The following ROS1 variants were observed in gnomAD, a reference collection of about 807,000 sequenced individuals.
The protein encoded by ROS1 is proto-oncogene tyrosine-protein kinase ROS.
ROS1 carries 263 observed loss-of-function variants against 273.5 expected under a neutral mutation model. That is an observed-to-expected ratio of 0.96 (90% CI 0.87 to 1.06). The LOEUF (loss-of-function observed/expected upper bound fraction) is 1.06, where lower values mean the gene tolerates loss of function less well. Ranked by LOEUF, ROS1 falls within the 50% of genes least tolerant of loss-of-function variation. The probability of loss-of-function intolerance (pLI) is 0.00; values close to 1 mark genes in which losing one functional copy is unlikely to be tolerated. For synonymous variants in ROS1, 1,008 were observed against 954.1 expected (o/e 1.06, Z -1.04); for missense variants, 2,833 against 2,751.1 (o/e 1.03, Z -0.67).
At chr6:117,388,697 T>C (rs150933761) in intron 13 of ROS1, among the ~76,000 whole-genome samples, 166 of 152,356 alleles carry the variant, frequency 1.1e-3, no homozygotes, top group African/African-American at 3.8e-3. Context: ...AAATATTTAC[T>C]ATCTGGTCTT....
At chr6:117,294,744 T>C (rs918130090) in intron 43 of ROS1, among the ~76,000 whole-genome samples, 3 of 152,042 alleles carry the variant, frequency 2.0e-5, no homozygotes, top group African/African-American at 7.2e-5. Flanking sequence ...CCTAGGAATA[T>C]ATTAACCAAG....
At chr6:117,355,748 T>A (rs867685579) in intron 26 of ROS1, among the ~76,000 whole-genome samples, 4 of 152,022 alleles carry the variant, frequency 2.6e-5, no homozygotes, top group Non-Finnish European at 5.9e-5. Flanking sequence ...GTAGCTGGGA[T>A]TACAGGCATG....
intron 24 of ROS1, 93 bp from the exon 25 acceptor site, chr6:117,358,102 C>A: frequency 1.3e-6 from 1 of 785,348 alleles, no homozygotes; most frequent in Non-Finnish European, 2.1e-6. Context: ...TTGTTTACTG[C>A]ACTTCTCATT....
intron 37 of ROS1, 58 bp downstream of exon 37, chr6:117,319,810 G>A (rs1776160778): frequency 2.1e-6 from 3 of 1,461,412 alleles, no homozygotes; most frequent in Non-Finnish European, 2.8e-6. Context: ...TTATATCCAG[G>A]TCAATCTTTG....
intron 1 of ROS1, among the ~76,000 whole-genome samples, chr6:117,420,575 T>C (rs9489159): frequency 0.093 from 13,849 of 149,302 alleles, 781 homozygotes; most frequent in Non-Finnish European, 0.12. Context: ...AAACTTAAAG[T>C]ATAATAATAA....
Position 117,320,047 on chromosome 6 carries a change from T to C in ROS1, c.5760-17A>G, listed in dbSNP as rs1387593430. On this transcript the variant is annotated splice_polypyrimidine_tract_variant and intron_variant, in intron 36 of 43. Coordinates refer to ENST00000368507, the MANE Select transcript of ROS1 (RefSeq NM_001378902.1). ...GGAAGAGTACTGTAAAATAGCAACA[T>C]TTTTGTCTCCCCACCCTCCACATAT... 1 of 1,611,202 alleles carries C rather than the reference T, an allele frequency of 6.2e-7. No individual in the cohort carries two copies. The highest frequency in any genetic ancestry group is 8.5e-7 in the Non-Finnish European group (1 of 1,178,248).
intron 18 of ROS1, among the ~76,000 whole-genome samples, chr6:117,367,671 C>T (rs1780380667): frequency 6.6e-6 from 1 of 152,128 alleles, no homozygotes; most frequent in Non-Finnish European, 1.5e-5. Flanking sequence ...TGCATGGAAC[C>T]CCAGCTCAGC....
At chr6:117,425,275 A>G (rs535336937) in intron 1 of ROS1, among the ~76,000 whole-genome samples, 2 of 152,298 alleles carry the variant, frequency 1.3e-5, no homozygotes, top group East Asian at 3.9e-4. Context: ...AATTGATTCC[A>G]TTTAAACCTC....
chr6:117,348,450 A>G (rs1316505378), intron 27 of ROS1, among the ~76,000 whole-genome samples: 1 of 151,856 alleles, frequency 6.6e-6, no homozygotes, highest in East Asian at 1.9e-4. Context: ...CATTTCTACT[A>G]TTAGCAATTT....
rs1254635325 is a variant in ROS1 at position 117,389,636 on chromosome 6, T to C, written c.1500A>G (p.Leu500=). 6.2e-7 allele frequency: 1 copy of C among 1,614,158 alleles called. No homozygotes were observed. The highest frequency in any genetic ancestry group is 2.2e-5 in the East Asian group (1 of 44,888). ...TCACATCAGCAAAGGGGATGCGAGG[T>C]AGGATGAGATGGGAAGCAGAGCCAT... ...FLDGSASHLI[L]PRIPFADVKS... Residue 500 remains leucine, a synonymous_variant, in exon 13 of 44, where the codon CTA becomes CTG. Coordinates refer to ENST00000368507, the MANE Select transcript of ROS1 (RefSeq NM_001378902.1).
At chr6:117,418,322 AT>A in intron 2 of ROS1, 139 bp downstream of exon 2, 1 of 655,106 alleles carries the variant, frequency 1.5e-6, no homozygotes, top group Non-Finnish European at 2.6e-6. Context: ...CAGACTTCTC[AT>A]TATTTTCAAT....
intron 42 of ROS1, among the ~76,000 whole-genome samples, chr6:117,303,335 T>C (rs1161920297): frequency 6.6e-6 from 1 of 151,978 alleles, no homozygotes; most frequent in Non-Finnish European, 1.5e-5. Context: ...CAAACACGAG[T>C]TCTAATAGAC....
At chr6:117,345,269 T>A (rs1464401600) in intron 27 of ROS1, among the ~76,000 whole-genome samples, 1 of 152,208 alleles carries the variant, frequency 6.6e-6, no homozygotes, top group African/African-American at 2.4e-5. Flanking sequence ...ATCTTCCCCA[T>A]CTGCCTAACC....
intron 27 of ROS1, among the ~76,000 whole-genome samples, chr6:117,344,934 G>A (rs1011027981): frequency 3.9e-5 from 6 of 152,138 alleles, no homozygotes; most frequent in Non-Finnish European, 5.9e-5. Flanking sequence ...TCGAAAAATC[G>A]CAGATCTGTC....
At chr6:117,409,211 T>C (rs1252707018) in intron 5 of ROS1, among the ~76,000 whole-genome samples, 1 of 147,170 alleles carries the variant, frequency 6.8e-6, no homozygotes, top group Non-Finnish European at 1.5e-5. Flanking sequence ...ACTTAAAGTA[T>C]AATAAAATAA....
intron 5 of ROS1, among the ~76,000 whole-genome samples, chr6:117,408,992 C>G (rs1451549695): frequency 7.0e-6 from 1 of 142,444 alleles, no homozygotes; most frequent in South Asian, 2.2e-4. Context: ...CATGTTCTCA[C>G]TCATAGGTGG....
chr6:117,344,355 AAG>A, intron 27 of ROS1, 93 bp from the exon 28 acceptor site: 2 of 850,966 alleles, frequency 2.4e-6, no homozygotes, highest in Non-Finnish European at 3.6e-6. Flanking sequence ...AAAGCTTAGA[AAG>A]AAATTTGTAG....
chr6:117,354,714 A>G (rs1779155481), intron 26 of ROS1, among the ~76,000 whole-genome samples: 1 of 152,226 alleles, frequency 6.6e-6, no homozygotes, highest in African/African-American at 2.4e-5. Flanking sequence ...AAAACTGACC[A>G]GTTTTATACA....
chr6:117,396,149 T>A (rs915345257), intron 9 of ROS1, 39 bp downstream of exon 9: 14 of 1,547,168 alleles, frequency 9.0e-6, no homozygotes, highest in African/African-American at 8.1e-5. Context: ...CTTGCCACCC[T>A]CATTCCTGTG....
Sources: gnomAD v4.1 joint callset for allele counts (sites outside exome capture counted in the v4.1 genomes callset) on GRCh38, gnomAD v4.1.1 for gene constraint, MANE v1.5 for transcripts, NCBI Gene and HGNC (gene_info 2026-07-23, HGNC 2026-07-21) for gene names.